Variants in SORCS3 observed in about 807,000 individuals in gnomAD.
SORCS3 encodes the protein VPS10 domain-containing receptor SorCS3.
Under a neutral mutation model 146.3 loss-of-function variants are expected in SORCS3, and 57 were observed. The observed-to-expected ratio is 0.39, with a 90% CI of 0.31 to 0.49. SORCS3 has a LOEUF of 0.49. Ranked by LOEUF, SORCS3 falls within the 20% of genes least tolerant of loss-of-function variation. The probability of loss-of-function intolerance (pLI) is 0.92; values close to 1 mark genes in which losing one functional copy is unlikely to be tolerated. For synonymous variants in SORCS3, 653 were observed against 618.5 expected, an observed-to-expected ratio of 1.06 and a Z score of -0.83; for missense variants, 1,341 against 1,575.5, an observed-to-expected ratio of 0.85 and a Z score of 2.52.
chr10:104,818,990 A>G (rs928644307), intron 1 of SORCS3, among the ~76,000 whole-genome samples: 4 of 151,946 alleles, frequency 2.6e-5, no homozygotes, highest in Admixed American at 1.3e-4. Context: ...ACTTAATAAT[A>G]TCCATCCAAG....
chr10:105,067,522 G>A (rs143704893), intron 5 of SORCS3, among the ~76,000 whole-genome samples: 26 of 152,184 alleles, frequency 1.7e-4, no homozygotes, highest in African/African-American at 5.3e-4. Flanking sequence ...CTGAGACTCC[G>A]TCTCAAATAA....
chr10:104,802,986 C>A (rs1457610991), intron 1 of SORCS3, among the ~76,000 whole-genome samples: 3 of 152,156 alleles, frequency 2.0e-5, no homozygotes, highest in Admixed American at 6.5e-5. Context: ...TAGTTCTGCT[C>A]CGCAAGGTCA....
chr10:105,245,515 A>T, intron 20 of SORCS3, 27 bp from the exon 21 acceptor site: 1 of 1,613,374 alleles, frequency 6.2e-7, no homozygotes, highest in Non-Finnish European at 8.5e-7. Context: ...CACAAGACTG[A>T]ATGAGTATTG....
rs1191209530 is a variant in SORCS3, at chr10:104,940,223, TATATATATATATATA to T, written c.795+24292_795+24306del. 6.2e-4 allele frequency among the ~76,000 whole-genome samples: 10 copies of T among 16,044 alleles called. No individual in the cohort carries two copies. In the East Asian group the frequency reaches 0.011, roughly 17 times the overall value. 10.5% of individuals were successfully genotyped at this position (16,044 alleles called of 152,430 possible). On this transcript the variant is annotated intron_variant, in intron 3 of 26. Coordinates refer to ENST00000369701, the MANE Select transcript of SORCS3 (RefSeq NM_014978.3). ...TTTCTTTTATATATATATATATATATATATATATATATATATTTTTTTTTTTTTTTTTATTATACT... is the reference window on the plus strand; with the variant it reads ...TTTCTTTTATATATATATATATATATTTTTTTTTTTTTTTTTTATTATACT...
intron 1 of SORCS3, among the ~76,000 whole-genome samples, chr10:104,841,582 G>C (rs2018140195): frequency 6.6e-6 from 1 of 152,180 alleles, no homozygotes; most frequent in Non-Finnish European, 1.5e-5. Context: ...TGACCCCATA[G>C]AGTGCTGGAT....
At chr10:104,794,136 C>T (rs915403495) in intron 1 of SORCS3, among the ~76,000 whole-genome samples, 1 of 152,148 alleles carries the variant, frequency 6.6e-6, no homozygotes, top group African/African-American at 2.4e-5. Context: ...TTTCTAAGAT[C>T]TCCCCAACAG....
At chr10:105,252,185 G>T (rs1470603752) in intron 22 of SORCS3, among the ~76,000 whole-genome samples, 2 of 152,122 alleles carry the variant, frequency 1.3e-5, no homozygotes, top group Non-Finnish European at 2.9e-5. Context: ...TGACTGAAGG[G>T]TATGAATATT....
chr10:104,949,391 T>TGA (rs10651843), intron 3 of SORCS3, among the ~76,000 whole-genome samples: 20,430 of 152,066 alleles, frequency 0.13, 2,317 homozygotes, highest in African/African-American at 0.32. Flanking sequence ...TTCAAGAGAA[T>TGA]GATAGATGAA....
intron 3 of SORCS3, among the ~76,000 whole-genome samples, chr10:104,934,442 C>A (rs983390406): frequency 6.6e-6 from 1 of 152,156 alleles, no homozygotes; most frequent in Non-Finnish European, 1.5e-5. Flanking sequence ...GGGACAGTAT[C>A]TTGTATGTTT....
chr10:104,958,774 C>T (rs1358921691), intron 3 of SORCS3, among the ~76,000 whole-genome samples: 1 of 152,154 alleles, frequency 6.6e-6, no homozygotes, highest in Admixed American at 6.6e-5. Context: ...CACAGTTCCA[C>T]ATGGCTGAGG....
intron 2 of SORCS3, among the ~76,000 whole-genome samples, chr10:104,904,219 C>G (rs910426861): frequency 6.6e-6 from 1 of 152,116 alleles, no homozygotes; most frequent in Non-Finnish European, 1.5e-5. Context: ...CACACTTTGG[C>G]GTCAATGTGT....
chr10:105,226,177 T>G (rs971747349), intron 20 of SORCS3, among the ~76,000 whole-genome samples: 1 of 152,030 alleles, frequency 6.6e-6, no homozygotes, highest in African/African-American at 2.4e-5. Flanking sequence ...CCTGATTCAG[T>G]ATGATATTAA....
chr10:104,705,562 TATA>T (rs2016327664), intron 1 of SORCS3, among the ~76,000 whole-genome samples: 1 of 152,228 alleles, frequency 6.6e-6, no homozygotes, highest in Non-Finnish European at 1.5e-5. Context: ...ACAATGTAAT[TATA>T]ATGACATGTA....
chr10:104,866,924 G>A (rs551512268), intron 2 of SORCS3, among the ~76,000 whole-genome samples: 1 of 152,268 alleles, frequency 6.6e-6, no homozygotes, highest in South Asian at 2.1e-4. Flanking sequence ...TTCTTGGGTT[G>A]TCTAGAGTCA....
At chr10:105,003,886 C>G (rs2055076739) in intron 4 of SORCS3, among the ~76,000 whole-genome samples, 1 of 152,152 alleles carries the variant, frequency 6.6e-6, no homozygotes, top group East Asian at 1.9e-4. Flanking sequence ...CTTGTGGGCA[C>G]TTCATTTTTC....
intron 25 of SORCS3, among the ~76,000 whole-genome samples, chr10:105,259,167 A>C (rs1325556112): frequency 6.6e-6 from 1 of 152,184 alleles, no homozygotes; most frequent in African/African-American, 2.4e-5. Flanking sequence ...TATCATCAGT[A>C]CTGTTTAATA....
chr10:104,795,598 G>A (rs2017545419), intron 1 of SORCS3, among the ~76,000 whole-genome samples: 1 of 152,258 alleles, frequency 6.6e-6, no homozygotes, highest in African/African-American at 2.4e-5. Flanking sequence ...GTACAACATG[G>A]TGTAGAATGA....
At chr10:104,798,017 T>C (rs957763583) in intron 1 of SORCS3, among the ~76,000 whole-genome samples, 1 of 152,170 alleles carries the variant, frequency 6.6e-6, no homozygotes, top group Admixed American at 6.5e-5. Context: ...GGTTGGGAGA[T>C]GGTGCATAAT....
intron 5 of SORCS3, among the ~76,000 whole-genome samples, chr10:105,067,209 G>A (rs537490138): frequency 1.4e-4 from 22 of 152,270 alleles, no homozygotes; most frequent in Admixed American, 2.0e-4. Flanking sequence ...TGATAAATAT[G>A]TTCAACTCTA....
Sources: allele counts gnomAD v4.1 joint callset (sites outside exome capture counted in the v4.1 genomes callset), GRCh38; gene constraint gnomAD v4.1.1; transcripts MANE v1.5; gene names NCBI Gene and HGNC (gene_info 2026-07-23, HGNC 2026-07-21).